The following TMC1 variants were observed in gnomAD, a reference collection of about 807,000 sequenced individuals.
TMC1 encodes transmembrane channel-like protein 1.
Under a neutral mutation model 105.8 loss-of-function variants are expected in TMC1, and 84 were observed. That is an observed-to-expected ratio of 0.79 (90% CI 0.67 to 0.95). TMC1 has a LOEUF of 0.95. Ranked by LOEUF, TMC1 falls within the 40% of genes least tolerant of loss-of-function variation. The pLI, the probability that TMC1 is intolerant of heterozygous loss-of-function variation, is 0.00. For missense variants in TMC1, 817 were observed against 914.1 expected (o/e 0.89, Z 1.37); for synonymous variants, 315 against 311.5 (o/e 1.01, Z -0.12).
At chr9:72,667,489 TTG>T (rs1375597207) in intron 5 of TMC1, among the ~76,000 whole-genome samples, 7 of 152,238 alleles carry the variant, frequency 4.6e-5, no homozygotes, top group African/African-American at 1.7e-4. Flanking sequence ...CCTTTTTGTC[TTG>T]TTGGTATATA....
chr9:72,751,797 G>A, intron 10 of TMC1, 53 bp from the exon 11 acceptor site: 1 of 1,172,354 alleles, frequency 8.5e-7, no homozygotes, highest in Non-Finnish European at 1.3e-6. Flanking sequence ...AGCTCTTTTT[G>A]TTTGTTTGTT....
At chr9:72,620,090 C>T (rs1825218571) in intron 3 of TMC1, among the ~76,000 whole-genome samples, 1 of 152,048 alleles carries the variant, frequency 6.6e-6, no homozygotes, top group Non-Finnish European at 1.5e-5. Context: ...ACCTCACCCT[C>T]CCAAAGTGCT....
In TMC1 at chr9:72,597,741, C is replaced by A. The variant is rs139572147; in HGVS notation, c.-305-18627C>A. Reference sequence around the variant, plus strand: ...AGTGGAGAATAATAACAATAACAACCGCGTACTAATACAACCCAGATGTCA... The same window carrying A: ...AGTGGAGAATAATAACAATAACAACAGCGTACTAATACAACCCAGATGTCA... On this transcript the variant is annotated intron_variant, in intron 2 of 23. Transcript: ENST00000297784. Among the ~76,000 whole-genome samples the A allele has an allele frequency of 2.6e-3, 396 of 152,264 alleles. 6 individuals carry two copies. Among genetic ancestry groups the A allele is most frequent in the African/African-American group, 8.9e-3 (371 of 41,550 alleles).
intron 8 of TMC1, among the ~76,000 whole-genome samples, chr9:72,723,629 T>C (rs967427021): frequency 1.1e-4 from 17 of 152,344 alleles, no homozygotes; most frequent in African/African-American, 3.8e-4. Context: ...AATAATATTT[T>C]GAAATTTTCC....
intron 18 of TMC1, among the ~76,000 whole-genome samples, chr9:72,807,754 G>A (rs1056233690): frequency 6.6e-6 from 1 of 152,178 alleles, no homozygotes; most frequent in Non-Finnish European, 1.5e-5. Context: ...ATAAGAGCTC[G>A]AAAGAGACAC....
chr9:72,653,515 T>C (rs1219977016), intron 5 of TMC1, among the ~76,000 whole-genome samples: 2 of 152,216 alleles, frequency 1.3e-5, no homozygotes, highest in African/African-American at 2.4e-5. Flanking sequence ...CATCTAACAA[T>C]GTAGATGAAT....
At chr9:72,648,722 G>T (rs1270364690) in intron 5 of TMC1, 58 bp downstream of exon 5, 4 of 1,488,072 alleles carry the variant, frequency 2.7e-6, no homozygotes, top group African/African-American at 2.8e-5. Context: ...AGGTATAAAG[G>T]TATTTGAAAA....
At chr9:72,712,384 A>C (rs1216505247) in intron 8 of TMC1, among the ~76,000 whole-genome samples, 1 of 152,096 alleles carries the variant, frequency 6.6e-6, no homozygotes, top group Non-Finnish European at 1.5e-5. Context: ...CACGATATTG[A>C]TTCTTCCTAT....
chr9:72,818,482 C>T (rs1397485627), intron 19 of TMC1, among the ~76,000 whole-genome samples: 1 of 152,152 alleles, frequency 6.6e-6, no homozygotes, highest in African/African-American at 2.4e-5. Context: ...TGGCAGAGAA[C>T]ACACAGTGAG....
At chr9:72,762,256 T>C (rs1479633871) in intron 12 of TMC1, among the ~76,000 whole-genome samples, 2 of 152,182 alleles carry the variant, frequency 1.3e-5, no homozygotes, top group African/African-American at 4.8e-5. Flanking sequence ...CCCATCATGC[T>C]CAGTCATTAT....
chr9:72,605,058 A>T (rs1171644647), intron 2 of TMC1, among the ~76,000 whole-genome samples: 2 of 152,218 alleles, frequency 1.3e-5, no homozygotes, highest in Non-Finnish European at 2.9e-5. Context: ...ATGCGAATGA[A>T]AAAATAAACC....
At chr9:72,699,171 G>A (rs1330075787) in intron 7 of TMC1, among the ~76,000 whole-genome samples, 2 of 152,086 alleles carry the variant, frequency 1.3e-5, no homozygotes, top group Admixed American at 1.3e-4. Flanking sequence ...TGCATGCCTC[G>A]ATTTAAAATT....
chr9:72,575,474 C>T (rs1372877652), intron 1 of TMC1, among the ~76,000 whole-genome samples: 1 of 152,170 alleles, frequency 6.6e-6, no homozygotes. Flanking sequence ...AGCCACTGTG[C>T]CTGGCCTGAT....
rs117973839 is a variant in TMC1, at chr9:72,685,667, A to G, written c.17-3042A>G. Among the ~76,000 whole-genome samples, 100 of 152,206 alleles carry G rather than the reference A, an allele frequency of 6.6e-4. 2 individuals are homozygous for G. The East Asian group carries it at 0.018, about 27-fold the overall frequency. On this transcript the variant is annotated intron_variant, in intron 5 of 23. Coordinates refer to ENST00000297784, the MANE Select transcript of TMC1 (RefSeq NM_138691.3). ...GCGTGAGCCACTGCGCCTGGCCTATAAAGTCATTCTTTTGCATCAAATAGT... is the reference window on the plus strand; with the variant it reads ...GCGTGAGCCACTGCGCCTGGCCTATGAAGTCATTCTTTTGCATCAAATAGT...
intron 4 of TMC1, among the ~76,000 whole-genome samples, chr9:72,633,394 G>A (rs1274420410): frequency 6.6e-6 from 1 of 152,128 alleles, no homozygotes; most frequent in African/African-American, 2.4e-5. Context: ...CTCACCCTGA[G>A]CTTCTGCTAT....
intron 14 of TMC1, 48 bp from the exon 15 acceptor site, chr9:72,789,075 A>T: frequency 6.4e-7 from 1 of 1,563,628 alleles, no homozygotes; most frequent in Non-Finnish European, 8.8e-7. Flanking sequence ...TGTAGCTAAG[A>T]TATTCTATTT....
At chr9:72,729,763 C>G (rs1028683260) in intron 8 of TMC1, among the ~76,000 whole-genome samples, 8 of 152,212 alleles carry the variant, frequency 5.3e-5, no homozygotes, top group Non-Finnish European at 7.4e-5. Flanking sequence ...AGAGGGTTCA[C>G]AAGAGAAAAA....
At position 72,820,962 on chromosome 9, in the gene TMC1, A is replaced by T. The variant is rs938476373; in HGVS notation, c.1884A>T (p.Lys628Asn). 1 of 1,614,062 alleles carries T rather than the reference A, an allele frequency of 6.2e-7. No homozygotes were observed. Among genetic ancestry groups the T allele is most frequent in the Non-Finnish European group, 8.5e-7 (1 of 1,180,042 alleles). Residue 628 changes from lysine (K) to asparagine (N), a missense_variant, in exon 20 of 24, where the codon AAA becomes AAT. Transcript: ENST00000297784. ...ATGTTCCTGAGGCCAGGGTCTTCAA[A>T]GCTTCCAGATCAAATAACTTCTACC... ...CCNVPEARVF[K>N]ASRSNNFYLG...
intron 1 of TMC1, among the ~76,000 whole-genome samples, chr9:72,558,406 A>C (rs950703108): frequency 6.6e-6 from 1 of 152,170 alleles, no homozygotes; most frequent in Non-Finnish European, 1.5e-5. Context: ...TTTCAATTAC[A>C]TTGTTTTTGA....
Sources: gnomAD v4.1 joint callset for allele counts (sites outside exome capture counted in the v4.1 genomes callset) on GRCh38, gnomAD v4.1.1 for gene constraint, MANE v1.5 for transcripts, NCBI Gene and HGNC (gene_info 2026-07-23, HGNC 2026-07-21) for gene names.